The following HERC2 variants were observed in gnomAD, a reference collection of about 807,000 sequenced individuals.
The protein encoded by HERC2 is E3 ubiquitin-protein ligase HERC2.
In HERC2, 102 loss-of-function variants were observed where a neutral mutation model predicts 537.7. That is an observed-to-expected ratio of 0.19 (90% CI 0.16 to 0.22). The LOEUF (loss-of-function observed/expected upper bound fraction) is 0.22, where lower values mean the gene tolerates loss of function less well. Among genes scored for constraint, HERC2 ranks in the 10% least tolerant of loss-of-function variants. The probability of loss-of-function intolerance (pLI) is 1.00; values close to 1 mark genes in which losing one functional copy is unlikely to be tolerated. For synonymous variants in HERC2, 2,224 were observed against 2,466.2 expected, an observed-to-expected ratio of 0.90 and a Z score of 2.91; for missense variants, 4,236 against 6,198.2, an observed-to-expected ratio of 0.68 and a Z score of 10.63.
At chr15:28,135,750 TAC>T (rs1426991905) in intron 78 of HERC2, 58 bp from the exon 79 acceptor site, 1 of 1,253,176 alleles carries the variant, frequency 8.0e-7, no homozygotes, top group East Asian at 2.4e-5. Flanking sequence ...CCCCTAAATT[TAC>T]TAATTCATAA....
In HERC2 at chr15:28,113,755, G is replaced by C. The variant is rs1595962644; in HGVS notation, c.13914-77C>G. ...TGCTGCTCACACCAAGCCTTGGCAT[G>C]CAGCACTGTGGCCGCACACGTCCCA... On this transcript the variant is annotated intron_variant, in intron 90 of 92. Coordinates refer to ENST00000261609, the MANE Select transcript of HERC2 (RefSeq NM_004667.6). This position sits in a 1 kb window ranked among gnomAD's most constrained non-coding sequence, Gnocchi z 7.0. 2 of 1,207,442 alleles carry C rather than the reference G, an allele frequency of 1.7e-6. No individual in the cohort carries two copies. The highest frequency in any genetic ancestry group is 2.4e-6 in the Non-Finnish European group (2 of 826,592). The allele number at this position is 1,207,442 out of a possible 1,614,324, so 74.8% of individuals were successfully genotyped here.
At chr15:28,264,225 G>A (rs2075498442) in intron 14 of HERC2, among the ~76,000 whole-genome samples, 1 of 152,054 alleles carries the variant, frequency 6.6e-6, no homozygotes, top group African/African-American at 2.4e-5. Flanking sequence ...TGGGCTTTCT[G>A]TCCCAACTAC....
intron 88 of HERC2, 55 bp downstream of exon 88, chr15:28,116,610 C>A: frequency 6.8e-7 from 1 of 1,478,758 alleles, no homozygotes; most frequent in Non-Finnish European, 9.2e-7. Context: ...TACATTTTAA[C>A]TCAAGAGCAG....
chr15:28,263,164 C>G lies in HERC2; in HGVS notation c.1876G>C (p.Val626Leu). ...QTLAVTENGQ[V>L]WSWGDGDYGK... ...TAGTCACCATCTCCCCAAGACCACA[C>G]TTGCCCTAAAAAATACAAATGCATT... is the stretch of plus-strand genomic sequence containing the variant. The change falls in exon 15 of 93, where the codon GTG becomes CTG. Residue 626 changes from valine (V) to leucine (L), a missense_variant. Around this residue, in one of 27 missense-constraint regions of HERC2, gnomAD observed 754 missense variants for 1,085.0 expected, o/e 0.69. Transcript: ENST00000261609. 2 of 1,598,778 alleles carry G rather than the reference C, an allele frequency of 1.3e-6. No homozygotes were observed. Among genetic ancestry groups the G allele is most frequent in the Non-Finnish European group, 1.7e-6 (2 of 1,168,922 alleles).
At chr15:28,132,941 A>G in intron 79 of HERC2, 111 bp from the exon 80 acceptor site, 1 of 877,510 alleles carries the variant, frequency 1.1e-6, no homozygotes, top group Non-Finnish European at 1.6e-6. Flanking sequence ...TTGTTAAATC[A>G]ATCAAGAAGA....
At chr15:28,120,601 T>C (rs1888776049) in intron 86 of HERC2, among the ~76,000 whole-genome samples, 1 of 152,270 alleles carries the variant, frequency 6.6e-6, no homozygotes, top group African/African-American at 2.4e-5. Flanking sequence ...TTGTCGTTTC[T>C]TTGATTACTA....
chr15:28,208,002 C>T (rs1238351056), intron 44 of HERC2, among the ~76,000 whole-genome samples: 1 of 152,196 alleles, frequency 6.6e-6, no homozygotes, highest in Non-Finnish European at 1.5e-5. Context: ...ACTTGATCAT[C>T]CTGATTCAGG....
chr15:28,272,517 A>C, intron 8 of HERC2, 131 bp from the exon 9 acceptor site: 1 of 830,900 alleles, frequency 1.2e-6, no homozygotes, highest in Non-Finnish European at 1.8e-6. Flanking sequence ...ACTAAACTAA[A>C]GCCGTGGTAA....
chr15:28,250,168 A>G (rs1025642872), intron 20 of HERC2, among the ~76,000 whole-genome samples: 22 of 151,438 alleles, frequency 1.5e-4, no homozygotes, highest in Non-Finnish European at 7.4e-5. Context: ...CAGGCTTGTC[A>G]ATCCCACTTG....
rs565632446 is a variant in HERC2, at chr15:28,156,661, T to C, written c.10747-3831A>G. ...TTAAGGAGATTTTAGGCTGAGACGATGGGGTTTTCTAGATATACAATCATG... is the reference window on the plus strand; with the variant it reads ...TTAAGGAGATTTTAGGCTGAGACGACGGGGTTTTCTAGATATACAATCATG... On this transcript the variant is annotated intron_variant, in intron 69 of 92. Transcript: ENST00000261609. 3.9e-5 allele frequency among the ~76,000 whole-genome samples: 6 copies of C among 152,338 alleles called. No individual in the cohort carries two copies. The South Asian group carries it at 6.2e-4, about 16-fold the overall frequency.
chr15:28,167,656 A>G (rs572444849), intron 68 of HERC2, 31 bp downstream of exon 68: 7 of 1,612,248 alleles, frequency 4.3e-6, no homozygotes, highest in East Asian at 2.2e-5. Flanking sequence ...ATTATTTCAC[A>G]ATACAAAGTT....
chr15:28,114,517 T>G, intron 90 of HERC2, 95 bp downstream of exon 90: 1 of 1,089,992 alleles, frequency 9.2e-7, no homozygotes, highest in African/African-American at 1.5e-5. Context: ...TACTTTACTG[T>G]GTATGACACT....
Position 28,268,577 on chromosome 15 carries a change from C to G in HERC2, c.1486G>C (p.Val496Leu), listed in dbSNP as rs779342550. The change falls in exon 12 of 93, where the codon GTA (valine) becomes CTA (leucine). Residue 496 changes from valine to leucine, a missense_variant. Coordinates refer to ENST00000261609, the MANE Select transcript of HERC2 (RefSeq NM_004667.6). The surrounding 1 kb of genome is among the most constrained non-coding windows in gnomAD (Gnocchi z 4.7). ...LVQGLASRNI[V>L]KIAAHSDGHH... ...CCATCAGAATGGGCAGCAATTTTTA[C>G]AATGTTTCTGGAGGCAAGGCCTTGG... is the stretch of plus-strand genomic sequence containing the variant. 6.2e-7 allele frequency: 1 copy of G among 1,614,002 alleles called. No individual in the cohort carries two copies. Among genetic ancestry groups the G allele is most frequent in the Non-Finnish European group, 8.5e-7 (1 of 1,180,010 alleles).
intron 78 of HERC2, 90 bp from the exon 79 acceptor site, chr15:28,135,782 C>T: frequency 2.2e-6 from 2 of 896,044 alleles, no homozygotes; most frequent in South Asian, 1.7e-5. Context: ...ATGCTTTAGA[C>T]ATTTTTACCA....
chr15:28,206,668 C>T (rs1358652230), intron 44 of HERC2, among the ~76,000 whole-genome samples: 1,526 of 150,934 alleles, frequency 0.01, 33 homozygotes, highest in African/African-American at 0.035. Context: ...CCCATCTCTA[C>T]TAAAAATACA....
chr15:28,301,729 GTATGTGTATA>G (rs1453040033), intron 2 of HERC2, among the ~76,000 whole-genome samples: 33 of 37,902 alleles, frequency 8.7e-4, no homozygotes, highest in African/African-American at 2.6e-3. Context: ...CTAGTTGTAT[GTATGTGTATA>G]TATATATATA....
intron 48 of HERC2, among the ~76,000 whole-genome samples, chr15:28,200,222 C>T (rs1897767823): frequency 6.6e-6 from 1 of 152,114 alleles, no homozygotes; most frequent in African/African-American, 2.4e-5. Context: ...AATGAAGAAA[C>T]ACTGTCTCTA....
At chr15:28,316,153 G>T (rs1355326193) in intron 2 of HERC2, 1 of 264,666 alleles carries the variant, frequency 3.8e-6, no homozygotes, top group Non-Finnish European at 7.6e-6. Flanking sequence ...AACCTGGGAG[G>T]TGGAGGTTGC....
At chr15:28,153,651 G>A (rs1276939361) in intron 69 of HERC2, among the ~76,000 whole-genome samples, 6 of 151,720 alleles carry the variant, frequency 4.0e-5, no homozygotes, top group African/African-American at 1.2e-4. Flanking sequence ...ACTCTGTCTC[G>A]AAAAAAGAAA....
Sources: allele counts gnomAD v4.1 joint callset (sites outside exome capture counted in the v4.1 genomes callset), GRCh38; gene constraint gnomAD v4.1.1; regional missense constraint gnomAD v4.1.1; non-coding constraint Gnocchi (gnomAD v3.1); transcripts MANE v1.5; gene names NCBI Gene and HGNC (gene_info 2026-07-23, HGNC 2026-07-21).